GSTA1: variants seen among roughly 807,000 people sequenced by gnomAD.
GSTA1 encodes glutathione S-transferase alpha 1, also known as glutathione S-transferase A1.
A neutral mutation model predicts 21.5 loss-of-function variants in GSTA1; 23 were observed. The ratio of observed to expected loss-of-function variants is 1.07; its 90% CI spans 0.77 to 1.52. The LOEUF (loss-of-function observed/expected upper bound fraction) is 1.52. GSTA1 is among the 40% of genes most tolerant of loss of function. GSTA1 has a pLI of 0.00. For synonymous variants in GSTA1, 125 were observed against 90.0 expected (o/e 1.39, Z -2.20); for missense variants, 301 against 264.2 (o/e 1.14, Z -0.96).
chr6:52,800,226 T>C (rs1302932380), intron 1 of GSTA1, among the ~76,000 whole-genome samples: 1 of 152,242 alleles, frequency 6.6e-6, no homozygotes, highest in Non-Finnish European at 1.5e-5. Context: ...ATGCAGTTGT[T>C]ATTCTCATTT....
At chr6:52,796,448 A>C in intron 3 of GSTA1, 134 bp from the exon 4 acceptor site, 1 of 791,594 alleles carries the variant, frequency 1.3e-6, no homozygotes, top group African/African-American at 1.9e-5. Flanking sequence ...TTCACTTGAA[A>C]CAAAAACTAT....
intron 6 of GSTA1, 175 bp downstream of exon 6, chr6:52,792,681 A>G: frequency 6.6e-7 from 1 of 1,518,138 alleles, no homozygotes; most frequent in Non-Finnish European, 8.8e-7. Flanking sequence ...TTTCCTTTCC[A>G]TAACAAAAGT....
chr6:52,803,358 AC>A (rs1371285443), intron 1 of GSTA1, among the ~76,000 whole-genome samples: 1 of 152,164 alleles, frequency 6.6e-6, no homozygotes, highest in African/African-American at 2.4e-5. Flanking sequence ...TTCTAATTAT[AC>A]TAAACCTGAG....
rs9367496 is a variant in GSTA1 at position 52,796,178 on chromosome 6, G to A, written c.272+4C>T. The stretch of plus-strand genomic sequence containing the variant: ...TGGATGGAAGAACAGAAAATATACC[G>A]TACAGGGCTCTCTCCTTTATGTCTT... On this transcript the variant is annotated splice_donor_region_variant and intron_variant, in intron 4 of 6. Coordinates refer to ENST00000334575, the MANE Select transcript of GSTA1 (RefSeq NM_145740.5). 3,245 of 1,612,994 alleles carry A rather than the reference G, an allele frequency of 2.0e-3. 59 individuals are homozygous for A. The East Asian group carries it at 0.046, about 23-fold the overall frequency.
chr6:52,799,063 A>C, intron 2 of GSTA1, 118 bp downstream of exon 2: 1 of 910,572 alleles, frequency 1.1e-6, no homozygotes, highest in Non-Finnish European at 1.8e-6. Flanking sequence ...TCTTAATTAC[A>C]GTCCATTTTT....
rs776054945 is a variant in GSTA1 at position 52,799,142 on chromosome 6, T to G, written c.87+39A>C. 6.9e-6 allele frequency: 11 copies of G among 1,584,036 alleles called. No individual in the cohort carries two copies. In the African/African-American group the frequency reaches 1.3e-4, roughly 19 times the overall value. ...GTGGGAAAAGTATGTGATAACACAATTTTAAATCCAACTTAAGATGACCTA... is the reference window on the plus strand; with the variant it reads ...GTGGGAAAAGTATGTGATAACACAAGTTTAAATCCAACTTAAGATGACCTA... On this transcript the variant is annotated intron_variant, in intron 2 of 6. Coordinates refer to ENST00000334575, the MANE Select transcript of GSTA1 (RefSeq NM_145740.5).
intron 3 of GSTA1, among the ~76,000 whole-genome samples, chr6:52,796,523 G>GTATA (rs1294399131): frequency 6.0e-4 from 27 of 45,256 alleles, no homozygotes; most frequent in Non-Finnish European, 8.8e-4. Context: ...GTGTGTGTGT[G>GTATA]TGTGTGTATA....
At chr6:52,795,991 C>T (rs1285261305) in intron 4 of GSTA1, among the ~76,000 whole-genome samples, 191 bp downstream of exon 4, 1 of 152,174 alleles carries the variant, frequency 6.6e-6, no homozygotes, top group Non-Finnish European at 1.5e-5. Context: ...TAGAATCACC[C>T]TTGCCTGAAC....
At position 52,799,263 on chromosome 6, in the gene GSTA1, G is replaced by T. The variant is rs1763657330; in HGVS notation, c.5C>A (p.Ala2Glu). The T allele has an allele frequency of 1.9e-6, 3 of 1,613,232 alleles. No homozygotes were observed. Among genetic ancestry groups the T allele is most frequent in the South Asian group, 2.2e-5 (2 of 91,024 alleles). MAEKPKLHYFNA... is the reference protein window; with the variant it reads MEEKPKLHYFNA... Reference sequence around the variant, plus strand: ...GAAGTAGTGGAGCTTGGGCTTCTCTGCCATGATAGCAGTCTCCTGGAGGTT... The same window carrying T: ...GAAGTAGTGGAGCTTGGGCTTCTCTTCCATGATAGCAGTCTCCTGGAGGTT... The change falls in exon 2 of 7, where the codon GCA becomes GAA. Residue 2 changes from alanine to glutamate, a missense_variant. Physicochemically the swap from Ala to Glu is moderately radical, Grantham distance 107. Transcript: ENST00000334575.
At chr6:52,793,385 GTGACTCCACCTTCA>G (rs1209267993) in intron 5 of GSTA1, among the ~76,000 whole-genome samples, 2 of 152,092 alleles carry the variant, frequency 1.3e-5, no homozygotes, top group Non-Finnish European at 2.9e-5. Flanking sequence ...CCCTTGGGCA[GTGACTCCACCTTCA>G]TGACAACACT....
chr6:52,797,010 G>C (rs1426495282), intron 3 of GSTA1, among the ~76,000 whole-genome samples: 2 of 151,970 alleles, frequency 1.3e-5, no homozygotes, highest in African/African-American at 4.8e-5. Context: ...GAAGAGGTTG[G>C]GACAAGTTAC....
At chr6:52,796,140 T>C in intron 4 of GSTA1, 42 bp downstream of exon 4, 1 of 1,611,214 alleles carries the variant, frequency 6.2e-7, no homozygotes, top group East Asian at 2.2e-5. Context: ...CCTAAATCAC[T>C]CTGTGTTCTC....
rs576366214 is a variant in GSTA1, at chr6:52,793,276, G to C, written c.415-289C>G. Among the ~76,000 whole-genome samples, 309 of 152,240 alleles carry C rather than the reference G, an allele frequency of 2.0e-3. 1 individual carries two copies. In the Middle Eastern group the frequency reaches 0.024, roughly 12 times the overall value. On this transcript the variant is annotated intron_variant, in intron 5 of 6. Coordinates refer to ENST00000334575, the MANE Select transcript of GSTA1 (RefSeq NM_145740.5). ...TTCTTCCACATGGGCCAGGGGCTTAGCACCTGCCTCCATGTGTTCTGTCTG... is the reference window on the plus strand; with the variant it reads ...TTCTTCCACATGGGCCAGGGGCTTACCACCTGCCTCCATGTGTTCTGTCTG...
chr6:52,794,016 T>C (rs954065946), intron 5 of GSTA1, 109 bp downstream of exon 5: 17 of 1,370,578 alleles, frequency 1.2e-5, no homozygotes, highest in Middle Eastern at 1.8e-4. Flanking sequence ...GCATTGGTGT[T>C]CAGGAAGTCT....
Position 52,791,537 on chromosome 6 carries a change from C to A in GSTA1, c.*321G>T. On this transcript the variant is annotated 3_prime_UTR_variant, in exon 7 of 7. Transcript: ENST00000334575. Reference sequence around the variant, plus strand: ...ATTGACATTTTAATAGATTGTATGACAAATTGTATGTTACGGGACAATTCT... The same window carrying A: ...ATTGACATTTTAATAGATTGTATGAAAAATTGTATGTTACGGGACAATTCT... 1 of 265,856 alleles carries A rather than the reference C, an allele frequency of 3.8e-6. No homozygotes were observed. Among genetic ancestry groups the A allele is most frequent in the Admixed American group, 5.1e-5 (1 of 19,798 alleles). 16.5% of individuals were successfully genotyped at this position (265,856 alleles called of 1,614,324 possible).
At chr6:52,795,467 A>T (rs1369855159) in intron 4 of GSTA1, among the ~76,000 whole-genome samples, 1 of 152,148 alleles carries the variant, frequency 6.6e-6, no homozygotes, top group Non-Finnish European at 1.5e-5. Flanking sequence ...ATTTTCGATT[A>T]TTTGGGGATA....
At chr6:52,798,866 C>T (rs1353526364) in intron 2 of GSTA1, among the ~76,000 whole-genome samples, 1 of 152,162 alleles carries the variant, frequency 6.6e-6, no homozygotes, top group Non-Finnish European at 1.5e-5. Context: ...TTCATGTCTT[C>T]ATATATTCAA....
intron 1 of GSTA1, among the ~76,000 whole-genome samples, chr6:52,803,507 C>T (rs1172644515): frequency 6.6e-6 from 1 of 152,114 alleles, no homozygotes; most frequent in African/African-American, 2.4e-5. Flanking sequence ...GTTTAAAATG[C>T]TACCATTTCT....
chr6:52,802,644 ATC>A (rs1763744278), intron 1 of GSTA1, among the ~76,000 whole-genome samples: 1 of 152,078 alleles, frequency 6.6e-6, no homozygotes, highest in Non-Finnish European at 1.5e-5. Flanking sequence ...TCTATTTATA[ATC>A]TCTGTCTACC....
Sources: gnomAD v4.1 joint callset for allele counts (sites outside exome capture counted in the v4.1 genomes callset) on GRCh38, gnomAD v4.1.1 for gene constraint, MANE v1.5 for transcripts, NCBI Gene and HGNC (gene_info 2026-07-23, HGNC 2026-07-21) for gene names.